Variants in ADGRE5 observed in about 807,000 individuals in gnomAD.
The protein encoded by ADGRE5 is CD97 molecule.
Under a neutral mutation model 100.3 loss-of-function variants are expected in ADGRE5, and 72 were observed. The observed-to-expected ratio is 0.72, with a 90% CI of 0.59 to 0.87. The LOEUF (loss-of-function observed/expected upper bound fraction) is 0.87, where lower values mean the gene tolerates loss of function less well. ADGRE5 is among the 40% of genes least tolerant of loss of function. The probability of loss-of-function intolerance (pLI) is 0.00; values close to 1 mark genes in which losing one functional copy is unlikely to be tolerated. For synonymous variants in ADGRE5, 439 were observed against 447.8 expected, an observed-to-expected ratio of 0.98 and a Z score of 0.25; for missense variants, 959 against 1,094.7, an observed-to-expected ratio of 0.88 and a Z score of 1.75.
At chr19:14,388,561 C>A (rs977471354) in intron 2 of ADGRE5, 61 bp downstream of exon 2, 41 of 1,584,524 alleles carry the variant, frequency 2.6e-5, no homozygotes, top group Admixed American at 5.2e-5. Flanking sequence ...GGGTCCTGGA[C>A]CCCCGCCCAG....
intron 9 of ADGRE5, among the ~76,000 whole-genome samples, chr19:14,400,298 G>A (rs1975958512): frequency 6.6e-6 from 1 of 152,062 alleles, no homozygotes; most frequent in Admixed American, 6.6e-5. Context: ...GGGATTACAG[G>A]TGTGAGCCAC....
At chr19:14,381,569 G>A in intron 1 of ADGRE5, 24 bp downstream of exon 1, 1 of 1,595,902 alleles carries the variant, frequency 6.3e-7, no homozygotes, top group Non-Finnish European at 8.5e-7. Flanking sequence ...GGCCCCGCTG[G>A]GAGGGGCGAG....
rs1274661701 is a variant in ADGRE5, at chr19:14,406,422, A to G, written c.1913A>G (p.Tyr638Cys). ...ATGAGCCTCGAAGGCCTGGAGCTCT[A>G]CTTTCTTGTGGTGCGCGTGTTCCAA... is the stretch of plus-strand genomic sequence containing the variant. ...CWMSLEGLEL[Y>C]FLVVRVFQGQ... The change falls in exon 15 of 20, where the codon TAC (tyrosine) becomes TGC (cysteine). Residue 638 changes from tyrosine to cysteine, a missense_variant. Physicochemically the swap from Tyr to Cys is radical, Grantham distance 194. Around this residue, in one of 6 missense-constraint regions of ADGRE5, gnomAD observed 428 missense variants for 386.2 expected, o/e 1.11. Coordinates refer to ENST00000242786, the MANE Select transcript of ADGRE5 (RefSeq NM_078481.4). This position sits in a 1 kb window ranked among gnomAD's most constrained non-coding sequence, Gnocchi z 6.0. 2 of 1,590,348 alleles carry G rather than the reference A, an allele frequency of 1.3e-6. No homozygotes were observed. The highest frequency in any genetic ancestry group is 2.3e-5 in the East Asian group (1 of 43,722).
In ADGRE5 at chr19:14,388,682, C is replaced by T. The variant is rs779594650; in HGVS notation, c.74-20C>T. 37 of 1,612,070 alleles carry T rather than the reference C, an allele frequency of 2.3e-5. No homozygotes were observed. The highest frequency in any genetic ancestry group is 1.3e-4 in the South Asian group (12 of 91,044). ...ATTCCCTTACCCCTCACCTTCTGAC[C>T]GTGCTCCCTGCTCTTGCAGGCTGTG... is the stretch of plus-strand genomic sequence containing the variant. On this transcript the variant is annotated intron_variant, in intron 2 of 19. Coordinates refer to ENST00000242786, the MANE Select transcript of ADGRE5 (RefSeq NM_078481.4).
At chr19:14,399,617 C>T (rs1568315571) in intron 9 of ADGRE5, among the ~76,000 whole-genome samples, 1 of 148,714 alleles carries the variant, frequency 6.7e-6, no homozygotes, top group Non-Finnish European at 1.5e-5. Flanking sequence ...GTGGTGCACG[C>T]CTGTAATCTC....
In ADGRE5 at chr19:14,406,917, T is replaced by G; in HGVS notation, c.2164T>G (p.Phe722Val). 1 of 1,614,040 alleles carries G rather than the reference T, an allele frequency of 6.2e-7. No homozygotes were observed. Among genetic ancestry groups the G allele is most frequent in the Non-Finnish European group, 8.5e-7 (1 of 1,179,964 alleles). Reference sequence around the variant, plus strand: ...TACCGTCTGGAAGCTCACTCAGAAGTTTTCTGAAATCAATCCAGACATGAA... The same window carrying G: ...TACCGTCTGGAAGCTCACTCAGAAGGTTTCTGAAATCAATCCAGACATGAA... Reference protein sequence around the residue: ...VTTVWKLTQKFSEINPDMKKL... With the variant: ...VTTVWKLTQKVSEINPDMKKL... The change falls in exon 17 of 20, where the codon TTT (phenylalanine) becomes GTT (valine). Residue 722 changes from phenylalanine (F) to valine (V), a missense_variant. Transcript: ENST00000242786. The surrounding 1 kb of genome is among the most constrained non-coding windows in gnomAD (Gnocchi z 6.0).
At position 14,404,672 on chromosome 19, in the gene ADGRE5, A is replaced by G. The variant is rs1315432676; in HGVS notation, c.1629+110A>G. The G allele has an allele frequency of 2.6e-5, 28 of 1,058,592 alleles. No individual in the cohort carries two copies. In the Admixed American group the frequency reaches 7.2e-4, roughly 27 times the overall value. 65.6% of individuals were successfully genotyped at this position (1,058,592 alleles called of 1,614,324 possible). On this transcript the variant is annotated intron_variant, in intron 13 of 19. Transcript: ENST00000242786. ...CTACTGGTTGCTCAGATATATCTGC[A>G]TGGTTGCACAGCCCAGGTGTCCCCA...
intron 5 of ADGRE5, 134 bp from the exon 6 acceptor site, chr19:14,396,943 G>A: frequency 9.0e-7 from 1 of 1,112,426 alleles, no homozygotes; most frequent in Non-Finnish European, 1.3e-6. Flanking sequence ...GAAGTTGAAG[G>A]TCACCAAGTG....
In ADGRE5 at chr19:14,404,566, A is replaced by G. The variant is rs1362075533; in HGVS notation, c.1629+4A>G. On this transcript the variant is annotated splice_donor_region_variant and intron_variant, in intron 13 of 19. Coordinates refer to ENST00000242786, the MANE Select transcript of ADGRE5 (RefSeq NM_078481.4). ...TATGGCTCATTATGACGTGGAGGTA[A>G]GTAGCTGGAGGCATCCTCAAGTGCC... The G allele has an allele frequency of 6.2e-7, 1 of 1,611,426 alleles. No individual in the cohort carries two copies. Among genetic ancestry groups the G allele is most frequent in the African/African-American group, 1.3e-5 (1 of 74,806 alleles).
In ADGRE5 at chr19:14,406,564, G is replaced by A; in HGVS notation, c.2048+7G>A. ...GCTACGGCCGCCCCAGATAGTGAGTGCAGCGAGATGGGGCAGGAGGAAGGC... is the reference window on the plus strand; with the variant it reads ...GCTACGGCCGCCCCAGATAGTGAGTACAGCGAGATGGGGCAGGAGGAAGGC... On this transcript the variant is annotated splice_region_variant and intron_variant, in intron 15 of 19. Transcript: ENST00000242786. The surrounding 1 kb of genome is among the most constrained non-coding windows in gnomAD (Gnocchi z 6.0). 1 of 1,599,838 alleles carries A rather than the reference G, an allele frequency of 6.3e-7. No individual in the cohort carries two copies. The highest frequency in any genetic ancestry group is 1.1e-5 in the South Asian group (1 of 90,178).
intron 9 of ADGRE5, among the ~76,000 whole-genome samples, chr19:14,400,186 AT>A (rs1340860649): frequency 1.3e-5 from 2 of 151,654 alleles, no homozygotes; most frequent in Non-Finnish European, 2.9e-5. Context: ...CGCCCAGCTA[AT>A]TTTTTGCATT....
Position 14,402,746 on chromosome 19 carries a change from G to A in ADGRE5, c.1333G>A (p.Val445Ile), listed in dbSNP as rs754724948. The A allele has an allele frequency of 7.4e-6, 12 of 1,613,924 alleles. No individual in the cohort carries two copies. The highest frequency in any genetic ancestry group is 1.3e-5 in the African/African-American group (1 of 74,912). The change falls in exon 12 of 20, where the codon GTC becomes ATC. Residue 445 changes from valine (V) to isoleucine (I), a missense_variant. Physicochemically the swap from Val to Ile is conservative, Grantham distance 29. This residue lies in a region of ADGRE5 where 246 missense variants were observed against 242.2 expected (regional missense o/e 1.02). Transcript: ENST00000242786. ...TGTCCAACTCAGACGCCTCTCTGCC[G>A]TCAACTCCATCTTTCTGAGCCACAA... ...RGVQLRRLSA[V>I]NSIFLSHNNT...
At chr19:14,390,454 G>C (rs1975561438) in intron 3 of ADGRE5, among the ~76,000 whole-genome samples, 1 of 151,746 alleles carries the variant, frequency 6.6e-6, no homozygotes, top group East Asian at 1.9e-4. Context: ...CTCCTAAGTA[G>C]CTGTGATTAC....
chr19:14,395,783 C>T (rs976476530), intron 4 of ADGRE5, among the ~76,000 whole-genome samples: 3 of 152,210 alleles, frequency 2.0e-5, no homozygotes, highest in Non-Finnish European at 4.4e-5. Flanking sequence ...CCCACATCAT[C>T]CCGCACTCTC....
chr19:14,385,349 C>CTCTCTTTCTGTGTCTCTCTTTCT (rs1975308663), intron 1 of ADGRE5, among the ~76,000 whole-genome samples: 1 of 151,976 alleles, frequency 6.6e-6, no homozygotes, highest in African/African-American at 2.4e-5. Context: ...GTGTCTCTGT[C>CTCTCTTTCTGTGTCTCTCTTTCT]TCTCTTTCTG....
chr19:14,404,685 C>T lies in ADGRE5; in HGVS notation c.1629+123C>T, dbSNP rs553661462. On this transcript the variant is annotated intron_variant, in intron 13 of 19. Coordinates refer to ENST00000242786, the MANE Select transcript of ADGRE5 (RefSeq NM_078481.4). ...AGATATATCTGCATGGTTGCACAGC[C>T]CAGGTGTCCCCACGTCACACCCTTC... 1.0e-4 allele frequency: 92 copies of T among 893,732 alleles called. No individual in the cohort carries two copies. In the East Asian group the frequency reaches 1.8e-3, roughly 17 times the overall value. The allele number at this position is 893,732 out of a possible 1,614,324, so 55.4% of individuals were successfully genotyped here.
rs1976217202 is a variant in ADGRE5 at position 14,406,045 on chromosome 19, C to T, written c.1821+106C>T. 8 of 978,866 alleles carry T rather than the reference C, an allele frequency of 8.2e-6. No individual in the cohort carries two copies. The highest frequency in any genetic ancestry group is 1.2e-5 in the Non-Finnish European group (8 of 679,114). The allele number at this position is 978,866 out of a possible 1,614,324, so 60.6% of individuals were successfully genotyped here. ...CAGTCGGGTAGGCGGGCCCTGGAGG[C>T]ATGAGGCCCCGCCCCTGTCCGGGAT... is the stretch of plus-strand genomic sequence containing the variant. On this transcript the variant is annotated intron_variant, in intron 14 of 19. Coordinates refer to ENST00000242786, the MANE Select transcript of ADGRE5 (RefSeq NM_078481.4). The surrounding 1 kb of genome is among the most constrained non-coding windows in gnomAD (Gnocchi z 6.0).
intron 4 of ADGRE5, among the ~76,000 whole-genome samples, chr19:14,394,643 T>A (rs1975710857): frequency 6.6e-6 from 1 of 152,058 alleles, no homozygotes; most frequent in African/African-American, 2.4e-5. Context: ...CAGTACAGTA[T>A]CCATCCTCTC....
rs1054627975 is a variant in ADGRE5 at position 14,406,635 on chromosome 19, C to T, written c.2049-65C>T. 1.4e-5 allele frequency: 23 copies of T among 1,601,144 alleles called. No homozygotes were observed. Among genetic ancestry groups the T allele is most frequent in the Non-Finnish European group, 2.0e-5 (23 of 1,168,566 alleles). On this transcript the variant is annotated intron_variant, in intron 15 of 19. Coordinates refer to ENST00000242786, the MANE Select transcript of ADGRE5 (RefSeq NM_078481.4). The surrounding 1 kb of genome is among the most constrained non-coding windows in gnomAD (Gnocchi z 6.0). ...CACAGGCAGTGCCACACACAATGTC[C>T]GGCCGCCCTCCGTTCCGCTCCTGGC...
Sources: gnomAD v4.1 joint callset for allele counts (sites outside exome capture counted in the v4.1 genomes callset) on GRCh38, gnomAD v4.1.1 for gene constraint, gnomAD v4.1.1 regional missense constraint, Gnocchi (gnomAD v3.1) non-coding constraint, MANE v1.5 for transcripts, NCBI Gene and HGNC (gene_info 2026-07-23, HGNC 2026-07-21) for gene names.